The following PRPSAP1 variants were observed in gnomAD, a reference collection of about 807,000 sequenced individuals.
The protein encoded by PRPSAP1 is phosphoribosyl pyrophosphate synthetase associated protein 1, also known as phosphoribosyl pyrophosphate synthase-associated protein 1.
PRPSAP1 carries 31 observed loss-of-function variants against 39.4 expected under a neutral mutation model. The ratio of observed to expected loss-of-function variants is 0.79; its 90% CI spans 0.59 to 1.06. The LOEUF is 1.06. PRPSAP1 is among the 50% of genes least tolerant of loss of function. The pLI, the probability that PRPSAP1 is intolerant of heterozygous loss-of-function variation, is 0.00. For synonymous variants in PRPSAP1, 212 were observed against 192.6 expected, an observed-to-expected ratio of 1.10 and a Z score of -0.83; for missense variants, 430 against 511.6, an observed-to-expected ratio of 0.84 and a Z score of 1.54.
At chr17:76,312,361 C>T (rs929371095) in intron 9 of PRPSAP1, among the ~76,000 whole-genome samples, 3 of 151,524 alleles carry the variant, frequency 2.0e-5, no homozygotes, top group Non-Finnish European at 2.9e-5. Context: ...CGTTTGAACC[C>T]GGGAGGCAGA....
chr17:76,337,796 G>A (rs947270156), intron 3 of PRPSAP1, among the ~76,000 whole-genome samples: 3 of 152,024 alleles, frequency 2.0e-5, no homozygotes, highest in Admixed American at 6.5e-5. Flanking sequence ...TAGTAGAGAC[G>A]GGGTTTCACC....
chr17:76,324,939 G>A (rs1489818496), intron 7 of PRPSAP1, among the ~76,000 whole-genome samples: 1 of 151,280 alleles, frequency 6.6e-6, no homozygotes, highest in South Asian at 2.1e-4. Flanking sequence ...GTGGTGGCAG[G>A]CACCTGTAGT....
chr17:76,343,258 A>G (rs1387426248), intron 3 of PRPSAP1, among the ~76,000 whole-genome samples: 2 of 152,202 alleles, frequency 1.3e-5, no homozygotes, highest in East Asian at 1.9e-4. Flanking sequence ...GAGAAAGGAG[A>G]TAGTCCCATA....
chr17:76,349,228 C>T (rs949373607), intron 1 of PRPSAP1, among the ~76,000 whole-genome samples: 2 of 150,938 alleles, frequency 1.3e-5, no homozygotes, highest in Non-Finnish European at 2.9e-5. Flanking sequence ...TGCTTGAACC[C>T]GGGAGGCGGA....
chr17:76,353,833 T>C lies in PRPSAP1; in HGVS notation c.-130A>G, dbSNP rs2071611775. 7.3e-7 allele frequency: 1 copy of C among 1,378,718 alleles called. No homozygotes were observed. The highest frequency in any genetic ancestry group is 9.3e-7 in the Non-Finnish European group (1 of 1,074,416). 85.4% of individuals were successfully genotyped at this position (1,378,718 alleles called of 1,614,324 possible). A position where few individuals can be genotyped will look rare whatever the true frequency, so the allele number is the denominator to read the frequency against. On this transcript the variant is annotated 5_prime_UTR_variant, in exon 1 of 10. Coordinates refer to ENST00000446526, the MANE Select transcript of PRPSAP1 (RefSeq NM_002766.3). Reference sequence around the variant, plus strand: ...GGCGCAAGCGGGGAGAGCTCCGAGGTCCGTGCCCTTGCGCACCCCACACCA... The same window carrying C: ...GGCGCAAGCGGGGAGAGCTCCGAGGCCCGTGCCCTTGCGCACCCCACACCA...
At chr17:76,338,151 T>C (rs1403963254) in intron 3 of PRPSAP1, among the ~76,000 whole-genome samples, 1 of 152,116 alleles carries the variant, frequency 6.6e-6, no homozygotes, top group African/African-American at 2.4e-5. Context: ...AGGTTGCTAT[T>C]ATTAGAACAG....
At chr17:76,342,512 T>TC (rs1382052699) in intron 3 of PRPSAP1, among the ~76,000 whole-genome samples, 1 of 151,764 alleles carries the variant, frequency 6.6e-6, no homozygotes, top group African/African-American at 2.4e-5. Flanking sequence ...GTCCAGGAGT[T>TC]CAAGACCAGC....
chr17:76,346,600 CTG>C (rs1375345739), intron 2 of PRPSAP1, among the ~76,000 whole-genome samples: 1 of 152,190 alleles, frequency 6.6e-6, no homozygotes, highest in East Asian at 1.9e-4. Context: ...CGTTTCTAGA[CTG>C]TGGATCTTCA....
rs2071339311 is a variant in PRPSAP1, at chr17:76,332,946, A to C, written c.291-511T>G. The stretch of plus-strand genomic sequence containing the variant: ...CTCGCTGTCGCCCAGGTTGGAGTGC[A>C]GTGGCGCGATCTCAGCTCACTGCAG... On this transcript the variant is annotated intron_variant, in intron 3 of 9. Transcript: ENST00000446526. 6.7e-5 allele frequency among the ~76,000 whole-genome samples: 10 copies of C among 148,812 alleles called. No individual in the cohort carries two copies. The South Asian group carries it at 1.9e-3, about 28-fold the overall frequency.
intron 1 of PRPSAP1, among the ~76,000 whole-genome samples, chr17:76,352,691 A>T (rs926160136): frequency 1.3e-5 from 2 of 151,566 alleles, no homozygotes; most frequent in East Asian, 1.9e-4. Flanking sequence ...AAAAGAAAAG[A>T]GGCCACTTAG....
At chr17:76,318,424 T>G (rs1419949025) in intron 7 of PRPSAP1, among the ~76,000 whole-genome samples, 1 of 152,150 alleles carries the variant, frequency 6.6e-6, no homozygotes, top group African/African-American at 2.4e-5. Flanking sequence ...CACTCTAGTC[T>G]GGGTGACAGC....
At chr17:76,344,184 G>A (rs549618572) in intron 3 of PRPSAP1, among the ~76,000 whole-genome samples, 2 of 152,172 alleles carry the variant, frequency 1.3e-5, no homozygotes, top group South Asian at 4.1e-4. Flanking sequence ...CTGGAGTGCA[G>A]TGGCGCGATC....
chr17:76,318,910 C>G (rs1391270755), intron 7 of PRPSAP1, among the ~76,000 whole-genome samples: 2 of 152,144 alleles, frequency 1.3e-5, no homozygotes, highest in Non-Finnish European at 1.5e-5. Flanking sequence ...AAAATAACCT[C>G]TGACCCAGTA....
intron 5 of PRPSAP1, 23 bp downstream of exon 5, chr17:76,330,528 G>T: frequency 6.7e-7 from 1 of 1,483,860 alleles, no homozygotes; most frequent in Non-Finnish European, 9.3e-7. Context: ...AGGACAATGG[G>T]GTGTTTGCTG....
chr17:76,320,352 G>A (rs113359768), intron 7 of PRPSAP1, among the ~76,000 whole-genome samples: 66 of 99,252 alleles, frequency 6.6e-4, no homozygotes, highest in African/African-American at 1.7e-3. Flanking sequence ...AGGAAGGAAG[G>A]AAGAAAAAGG....
At chr17:76,335,816 G>A (rs1012048156) in intron 3 of PRPSAP1, among the ~76,000 whole-genome samples, 1 of 152,018 alleles carries the variant, frequency 6.6e-6, no homozygotes, top group Non-Finnish European at 1.5e-5. Context: ...GCAAGACCTG[G>A]TCTCTAAAAA....
At chr17:76,342,329 T>C (rs1484308860) in intron 3 of PRPSAP1, among the ~76,000 whole-genome samples, 3 of 152,096 alleles carry the variant, frequency 2.0e-5, no homozygotes, top group African/African-American at 4.8e-5. Context: ...CTGAATCTCA[T>C]CATAGTGAAA....
chr17:76,324,983 G>A (rs546548579), intron 7 of PRPSAP1, among the ~76,000 whole-genome samples: 55 of 151,204 alleles, frequency 3.6e-4, no homozygotes, highest in Non-Finnish European at 5.8e-4. Context: ...CAGGAGAATG[G>A]TGTGAACCTG....
intron 4 of PRPSAP1, among the ~76,000 whole-genome samples, chr17:76,331,944 C>G (rs2071325996): frequency 6.6e-6 from 1 of 152,072 alleles, no homozygotes; most frequent in South Asian, 2.1e-4. Context: ...ATATAGAAAT[C>G]TAGACCTGAA....
Sources: allele counts gnomAD v4.1 joint callset (sites outside exome capture counted in the v4.1 genomes callset), GRCh38; gene constraint gnomAD v4.1.1; transcripts MANE v1.5; gene names NCBI Gene and HGNC (gene_info 2026-07-23, HGNC 2026-07-21).